ACTN2: variants seen among roughly 807,000 people sequenced by gnomAD.
ACTN2 encodes the protein alpha-actinin-2.
In ACTN2, 39 loss-of-function variants were observed where a neutral mutation model predicts 113.8. The ratio of observed to expected loss-of-function variants is 0.34; its 90% CI spans 0.27 to 0.45. The LOEUF (loss-of-function observed/expected upper bound fraction) is 0.45, where lower values mean the gene tolerates loss of function less well. Among genes scored for constraint, ACTN2 ranks in the 20% least tolerant of loss-of-function variants. The pLI is 1.00. For missense variants in ACTN2, 992 were observed against 1,177.9 expected (o/e 0.84, Z 2.31); for synonymous variants, 429 against 444.1 (o/e 0.97, Z 0.43).
At chr1:236,732,045 T>TTCATA (rs1175857893) in intron 7 of ACTN2, among the ~76,000 whole-genome samples, 1 of 152,236 alleles carries the variant, frequency 6.6e-6, no homozygotes, top group Non-Finnish European at 1.5e-5. Context: ...ATATATTACT[T>TTCATA]TGTTCGTTAT....
chr1:236,727,245 G>A (rs142836852), intron 5 of ACTN2, among the ~76,000 whole-genome samples: 6 of 152,250 alleles, frequency 3.9e-5, no homozygotes, highest in Non-Finnish European at 7.4e-5. Context: ...TTTTTGAAGC[G>A]TCCTAAAAAC....
chr1:236,719,139 C>G, intron 3 of ACTN2, 126 bp downstream of exon 3: 6 of 1,368,216 alleles, frequency 4.4e-6, no homozygotes, highest in South Asian at 1.2e-5. Flanking sequence ...GTATCAGGCT[C>G]TCTCTTAGGG....
Position 236,757,467 on chromosome 1 carries a change from T to TC in ACTN2, c.2155-15dup. Reference sequence around the variant, plus strand: ...GCTGGAGAGACTTAGAACTGATCTTTCCCCTTTTCCCTCAATAGCACATTC... The same window carrying TC: ...GCTGGAGAGACTTAGAACTGATCTTTCCCCCTTTTCCCTCAATAGCACATTC... On this transcript the variant is annotated intron_variant, in intron 17 of 20. Transcript: ENST00000366578. 1 of 1,614,074 alleles carries TC rather than the reference T, an allele frequency of 6.2e-7. No individual in the cohort carries two copies. Among genetic ancestry groups the TC allele is most frequent in the Non-Finnish European group, 8.5e-7 (1 of 1,179,962 alleles).
At chr1:236,762,402 A>G (rs775590631) in intron 20 of ACTN2, 59 bp from the exon 21 acceptor site, 17 of 1,597,044 alleles carry the variant, frequency 1.1e-5, no homozygotes, top group Non-Finnish European at 1.3e-5. Flanking sequence ...AAGTATTAAG[A>G]CTGTTTATGT....
At chr1:236,748,078 C>A in intron 13 of ACTN2, 1 of 350,826 alleles carries the variant, frequency 2.9e-6, no homozygotes, top group Non-Finnish European at 5.4e-6. Context: ...AGTCCTTCTA[C>A]CTGAGTAAAT....
chr1:236,689,349 A>G (rs1326740664), intron 1 of ACTN2, among the ~76,000 whole-genome samples: 2 of 142,198 alleles, frequency 1.4e-5, no homozygotes, highest in Middle Eastern at 3.8e-3. Context: ...ACACACACAT[A>G]TGTATATTTT....
At chr1:236,739,776 G>A (rs1340199162) in intron 10 of ACTN2, among the ~76,000 whole-genome samples, 4 of 152,288 alleles carry the variant, frequency 2.6e-5, no homozygotes, top group African/African-American at 9.6e-5. Flanking sequence ...AACGCTCGAT[G>A]AACAGCCTCT....
chr1:236,751,076 C>T (rs182807472), intron 14 of ACTN2, among the ~76,000 whole-genome samples: 30 of 108,548 alleles, frequency 2.8e-4, no homozygotes, highest in East Asian at 8.4e-4. Flanking sequence ...AGTGACCTAG[C>T]GAGACCCTGT....
chr1:236,713,695 G>A (rs2102887573), intron 1 of ACTN2, among the ~76,000 whole-genome samples: 1 of 60,606 alleles, frequency 1.7e-5, no homozygotes, highest in Non-Finnish European at 3.3e-5. Flanking sequence ...ACCACTGAAG[G>A]GATATGCAAG....
At chr1:236,736,306 C>T (rs548708394) in intron 8 of ACTN2, among the ~76,000 whole-genome samples, 6 of 152,346 alleles carry the variant, frequency 3.9e-5, no homozygotes, top group African/African-American at 1.4e-4. Flanking sequence ...TCTTGATAGA[C>T]TGCAGTGGGC....
chr1:236,718,828 G>T (rs1658297300), intron 2 of ACTN2, 66 bp from the exon 3 acceptor site: 1 of 1,609,504 alleles, frequency 6.2e-7, no homozygotes, highest in Non-Finnish European at 8.5e-7. Context: ...CTTAGTTTTG[G>T]CATCTTGATT....
At chr1:236,687,396 G>C (rs1395446052) in intron 1 of ACTN2, among the ~76,000 whole-genome samples, 2 of 152,140 alleles carry the variant, frequency 1.3e-5, no homozygotes, top group Non-Finnish European at 2.9e-5. Context: ...GCTTCTAAAA[G>C]CTCCCTCCCC....
intron 1 of ACTN2, among the ~76,000 whole-genome samples, chr1:236,699,889 G>A (rs1416981738): frequency 2.0e-5 from 3 of 152,180 alleles, no homozygotes; most frequent in Non-Finnish European, 4.4e-5. Flanking sequence ...AGTTTGAATG[G>A]TTAATAAAAA....
At chr1:236,694,669 A>G (rs1657427479) in intron 1 of ACTN2, among the ~76,000 whole-genome samples, 1 of 152,204 alleles carries the variant, frequency 6.6e-6, no homozygotes, top group Non-Finnish European at 1.5e-5. Context: ...TGAATGTGTT[A>G]ACTCCCAACT....
rs372863264 is a variant in ACTN2, at chr1:236,743,046, A to G, written c.1255+3A>G. 3.7e-6 allele frequency: 6 copies of G among 1,614,138 alleles called. No individual in the cohort carries two copies. The highest frequency in any genetic ancestry group is 5.1e-6 in the Non-Finnish European group (6 of 1,180,016). ...AACGCACGAGACTTGGGCTTATGGT[A>G]AGTAGACAGGAGTCAGATTGGATTT... On this transcript the variant is annotated splice_donor_region_variant and intron_variant, in intron 11 of 20. Transcript: ENST00000366578.
At chr1:236,706,359 T>C (rs1221241675) in intron 1 of ACTN2, among the ~76,000 whole-genome samples, 1 of 152,160 alleles carries the variant, frequency 6.6e-6, no homozygotes, top group Non-Finnish European at 1.5e-5. Flanking sequence ...CTGGGCACTG[T>C]CCAGAGCCCA....
At chr1:236,753,240 T>G (rs1396698438) in intron 15 of ACTN2, among the ~76,000 whole-genome samples, 1 of 152,192 alleles carries the variant, frequency 6.6e-6, no homozygotes, top group African/African-American at 2.4e-5. Context: ...ATAAAAATAT[T>G]TAATATTACC....
rs1665872300 is a variant in ACTN2 at position 236,686,560 on chromosome 1, A to C, written c.-114A>C. On this transcript the variant is annotated 5_prime_UTR_variant, in exon 1 of 21. Coordinates refer to ENST00000366578, the MANE Select transcript of ACTN2 (RefSeq NM_001103.4). ...GTGTCGCCCCGAGAGGAGCCGCGCG[A>C]AGGTCACCCCGCGCCCGCCGCCCGC... The C allele has an allele frequency of 8.1e-7, 1 of 1,231,584 alleles. No homozygotes were observed. Among genetic ancestry groups the C allele is most frequent in the East Asian group, 3.5e-5 (1 of 28,708 alleles). 76.3% of individuals were successfully genotyped at this position (1,231,584 alleles called of 1,614,324 possible). A position where few individuals can be genotyped will look rare whatever the true frequency, so the allele number is the denominator to read the frequency against.
intron 1 of ACTN2, among the ~76,000 whole-genome samples, chr1:236,700,468 G>C (rs1318995473): frequency 6.6e-6 from 1 of 152,224 alleles, no homozygotes; most frequent in Non-Finnish European, 1.5e-5. Context: ...GCTTACCACA[G>C]TGCCCAGGTA....
Sources: gnomAD v4.1 joint callset for allele counts (sites outside exome capture counted in the v4.1 genomes callset) on GRCh38, gnomAD v4.1.1 for gene constraint, MANE v1.5 for transcripts, NCBI Gene and HGNC (gene_info 2026-07-23, HGNC 2026-07-21) for gene names.